Variants in TBX19 observed in about 807,000 individuals in gnomAD.
The protein encoded by TBX19 is T-box transcription factor 19.
A neutral mutation model predicts 40.9 loss-of-function variants in TBX19; 33 were observed. The ratio of observed to expected loss-of-function variants is 0.81; its 90% confidence interval spans 0.61 to 1.08. The LOEUF is 1.08. TBX19 is among the 50% of genes least tolerant of loss of function. The pLI, the probability that TBX19 is intolerant of heterozygous loss-of-function variation, is 0.00. For missense variants in TBX19, 494 were observed against 574.0 expected (o/e 0.86, Z 1.42); for synonymous variants, 220 against 225.0 (o/e 0.98, Z 0.20).
chr1:168,292,687 AC>A (rs1473762594), intron 2 of TBX19, among the ~76,000 whole-genome samples: 1 of 151,664 alleles, frequency 6.6e-6, no homozygotes, highest in Admixed American at 6.6e-5. Flanking sequence ...ATGTGGTGAA[AC>A]CCCGTCTCTA....
intron 6 of TBX19, among the ~76,000 whole-genome samples, chr1:168,306,485 G>A (rs1649406343): frequency 6.6e-6 from 1 of 152,064 alleles, no homozygotes; most frequent in Non-Finnish European, 1.5e-5. Context: ...AACTAGCCAG[G>A]CGTGGTCGTT....
At position 168,291,280 on chromosome 1, in the gene TBX19, G is replaced by A; in HGVS notation, c.324G>A (p.Trp108Ter). 1 of 1,614,182 alleles carries A rather than the reference G, an allele frequency of 6.2e-7. No individual in the cohort carries two copies. The highest frequency in any genetic ancestry group is 8.5e-7 in the Non-Finnish European group (1 of 1,180,038). Reference sequence around the variant, plus strand: ...GCTGGAAGTACGTCAACGGGGAATGGGTGCCCGCTGGCAAGCCAGAGGTCT... The same window carrying A: ...GCTGGAAGTACGTCAACGGGGAATGAGTGCCCGCTGGCAAGCCAGAGGTCT... Reference protein sequence around the residue: ...SHRWKYVNGEWVPAGKPEVSS... With the variant: ...SHRWKYVNGE The change falls in exon 2 of 8, where the codon TGG becomes TGA. Residue 108 changes from tryptophan (W) to a stop codon, truncating the protein, a stop_gained. Coordinates refer to ENST00000367821, the MANE Select transcript of TBX19 (RefSeq NM_005149.3). LOFTEE classifies it high-confidence loss of function.
At position 168,312,785 on chromosome 1, in the gene TBX19, C is replaced by A. The variant is rs1370963763; in HGVS notation, c.1130C>A (p.Thr377Asn). ...SGPGPEVHASTPGAFLLGNPA... is the reference protein window; with the variant it reads ...SGPGPEVHASNPGAFLLGNPA... Reference sequence around the variant, plus strand: ...CCAGGCCCGGAGGTGCACGCCAGCACCCCAGGAGCATTTCTCCTCGGAAAC... The same window carrying A: ...CCAGGCCCGGAGGTGCACGCCAGCAACCCAGGAGCATTTCTCCTCGGAAAC... Residue 377 changes from threonine (T) to asparagine (N), a missense_variant, in exon 8 of 8, where the codon ACC becomes AAC. Thr to Asn is a moderately conservative substitution (Grantham distance 65). Transcript: ENST00000367821. 6.2e-7 allele frequency: 1 copy of A among 1,614,246 alleles called. No individual in the cohort carries two copies. The highest frequency in any genetic ancestry group is 8.5e-7 in the Non-Finnish European group (1 of 1,180,036).
At chr1:168,281,464 T>G (rs1308268705) in intron 1 of TBX19, among the ~76,000 whole-genome samples, 171 bp downstream of exon 1, 1 of 152,210 alleles carries the variant, frequency 6.6e-6, no homozygotes, top group Non-Finnish European at 1.5e-5. Context: ...TTAATTAATT[T>G]ATCTGAGATC....
intron 1 of TBX19, among the ~76,000 whole-genome samples, chr1:168,285,461 C>T (rs1648782033): frequency 6.6e-6 from 1 of 152,226 alleles, no homozygotes; most frequent in African/African-American, 2.4e-5. Flanking sequence ...TTCTTGCAAA[C>T]CTCACTTCTC....
At position 168,293,187 on chromosome 1, in the gene TBX19, T is replaced by C; in HGVS notation, c.512T>C (p.Ile171Thr). The C allele has an allele frequency of 2.5e-6, 4 of 1,613,846 alleles. No homozygotes were observed. The highest frequency in any genetic ancestry group is 2.5e-6 in the Non-Finnish European group (3 of 1,179,896). ...SLHKYEPQVH[I>T]VRVGSAHRMV... ...CATAAATATGAACCCCAGGTTCACA[T>C]AGTGCGTGTTGGAAGTGCCCATCGA... is the stretch of plus-strand genomic sequence containing the variant. The change falls in exon 3 of 8, where the codon ATA (isoleucine) becomes ACA (threonine). Residue 171 changes from isoleucine (I) to threonine (T), a missense_variant. This residue lies in a region of TBX19 where 201 missense variants were observed against 235.2 expected (regional missense o/e 0.85). Coordinates refer to ENST00000367821, the MANE Select transcript of TBX19 (RefSeq NM_005149.3).
chr1:168,305,303 T>A, intron 6 of TBX19, 107 bp downstream of exon 6: 1 of 967,336 alleles, frequency 1.0e-6, no homozygotes, highest in Non-Finnish European at 1.6e-6. Flanking sequence ...TGGAACCCCG[T>A]CATCTAATAT....
intron 3 of TBX19, among the ~76,000 whole-genome samples, chr1:168,294,547 G>A (rs1207881934): frequency 6.6e-6 from 1 of 151,874 alleles, no homozygotes; most frequent in Non-Finnish European, 1.5e-5. Flanking sequence ...TGTCACCCAG[G>A]CTGGAGTGCA....
intron 7 of TBX19, among the ~76,000 whole-genome samples, chr1:168,311,577 A>G (rs1047668799): frequency 2.0e-5 from 3 of 152,112 alleles, no homozygotes; most frequent in Non-Finnish European, 2.9e-5. Context: ...GGCATTGCCA[A>G]CTCTGGCTTC....
intron 1 of TBX19, among the ~76,000 whole-genome samples, chr1:168,289,479 G>A (rs776445537): frequency 1.3e-5 from 2 of 152,198 alleles, no homozygotes; most frequent in East Asian, 1.9e-4. Context: ...ACTAAGGGAC[G>A]AGGAGTGTTG....
chr1:168,282,447 T>C (rs182822578), intron 1 of TBX19, among the ~76,000 whole-genome samples: 55 of 152,358 alleles, frequency 3.6e-4, no homozygotes, highest in African/African-American at 1.3e-3. Context: ...ATTAGGGCAT[T>C]TCAAGAAATT....
At position 168,305,094 on chromosome 1, in the gene TBX19, G is replaced by T. The variant is rs752325337; in HGVS notation, c.814G>T (p.Ala272Ser). ...GTATGCCGCTCCTCTGCCTCTGCCTGCTCCCCACACCCACCATGGCTGTGA... is the reference window on the plus strand; with the variant it reads ...GTATGCCGCTCCTCTGCCTCTGCCTTCTCCCCACACCCACCATGGCTGTGA... ...YQYAAPLPLP[A>S]PHTHHGCEHY... The change falls in exon 6 of 8, where the codon GCT becomes TCT. Residue 272 changes from alanine to serine, a missense_variant. Physicochemically the swap from Ala to Ser is moderately conservative, Grantham distance 99. Coordinates refer to ENST00000367821, the MANE Select transcript of TBX19 (RefSeq NM_005149.3). The T allele has an allele frequency of 2.2e-5, 35 of 1,613,948 alleles. No homozygotes were observed. Among genetic ancestry groups the T allele is most frequent in the Non-Finnish European group, 2.9e-5 (34 of 1,180,032 alleles).
chr1:168,312,840 C>T lies in TBX19; in HGVS notation c.1185C>T (p.Leu395=). ...CTGTGACTTCACCCCCTTCTGTGCTCTCCACCCAAGCACCCACTTCGGCTG... is the reference window on the plus strand; with the variant it reads ...CTGTGACTTCACCCCCTTCTGTGCTTTCCACCCAAGCACCCACTTCGGCTG... ...NPAVTSPPSV[L]STQAPTSAGV... The change falls in exon 8 of 8, where the codon CTC becomes CTT. Residue 395 remains leucine (L), a synonymous_variant. Transcript: ENST00000367821. 1.2e-6 allele frequency: 2 copies of T among 1,614,286 alleles called. No homozygotes were observed. The highest frequency in any genetic ancestry group is 1.1e-5 in the South Asian group (1 of 91,084).
At chr1:168,309,936 G>A (rs1649484021) in intron 7 of TBX19, among the ~76,000 whole-genome samples, 1 of 152,154 alleles carries the variant, frequency 6.6e-6, no homozygotes, top group Non-Finnish European at 1.5e-5. Context: ...AACATTCTGT[G>A]TAAATGTCAG....
chr1:168,289,065 A>G (rs1293095514), intron 1 of TBX19, among the ~76,000 whole-genome samples: 1 of 152,236 alleles, frequency 6.6e-6, no homozygotes, highest in Non-Finnish European at 1.5e-5. Flanking sequence ...AAATAATATA[A>G]AAAGTAAACT....
chr1:168,298,089 G>A (rs1649161536), intron 4 of TBX19, among the ~76,000 whole-genome samples: 1 of 152,106 alleles, frequency 6.6e-6, no homozygotes, highest in South Asian at 2.1e-4. Flanking sequence ...CCAGCTACTC[G>A]GGAGGCTGAG....
chr1:168,306,773 G>C (rs1649415177), intron 6 of TBX19, among the ~76,000 whole-genome samples: 1 of 152,130 alleles, frequency 6.6e-6, no homozygotes, highest in African/African-American at 2.4e-5. Context: ...CTACTCCTGA[G>C]TCAGGGTCTG....
intron 1 of TBX19, among the ~76,000 whole-genome samples, chr1:168,283,016 GC>G (rs1342497793): frequency 9.2e-5 from 14 of 152,048 alleles, no homozygotes; most frequent in South Asian, 6.2e-4. Context: ...CCTTTTTATT[GC>G]CTATGTAATT....
intron 1 of TBX19, among the ~76,000 whole-genome samples, chr1:168,287,677 C>G (rs1173064546): frequency 6.6e-6 from 1 of 152,162 alleles, no homozygotes; most frequent in African/African-American, 2.4e-5. Flanking sequence ...AGAATGTAAG[C>G]TTCATGAACA....
Sources: gnomAD v4.1 joint callset for allele counts (sites outside exome capture counted in the v4.1 genomes callset) on GRCh38, gnomAD v4.1.1 for gene constraint, gnomAD v4.1.1 regional missense constraint, MANE v1.5 for transcripts, NCBI Gene and HGNC (gene_info 2026-07-23, HGNC 2026-07-21) for gene names.